The following ST7 variants were observed in gnomAD, a reference collection of about 807,000 sequenced individuals.
The protein encoded by ST7 is suppressor of tumorigenicity 7 protein.
A neutral mutation model predicts 78.7 loss-of-function variants in ST7; 28 were observed. The observed-to-expected ratio is 0.36, with a 90% confidence interval of 0.26 to 0.49. The LOEUF is 0.49. Ranked by LOEUF, ST7 falls within the 20% of genes least tolerant of loss-of-function variation. The pLI is 0.99. For missense variants in ST7, 418 were observed against 696.0 expected, an observed-to-expected ratio of 0.60 and a Z score of 4.49; for synonymous variants, 247 against 249.6, an observed-to-expected ratio of 0.99 and a Z score of 0.10.
chr7:117,097,882 A>ATATATATATATGACATATCAC (rs1801191430), intron 1 of ST7, among the ~76,000 whole-genome samples: 1 of 14,688 alleles, frequency 6.8e-5, no homozygotes, highest in African/African-American at 2.3e-4. Context: ...ACATATCACT[A>ATATATATATATGACATATCAC]TATATATATA....
At chr7:117,093,042 C>T (rs888977962) in intron 1 of ST7, among the ~76,000 whole-genome samples, 4 of 152,124 alleles carry the variant, frequency 2.6e-5, no homozygotes, top group African/African-American at 9.7e-5. Context: ...ATTGATTGTT[C>T]CCACGGTATC....
intron 9 of ST7, among the ~76,000 whole-genome samples, chr7:117,161,591 C>CTTTTTTTTTTTTTTT (rs60505994): frequency 1.8e-5 from 2 of 113,594 alleles, no homozygotes; most frequent in Admixed American, 1.1e-4. Context: ...TTCTTTCTTT[C>CTTTTTTTTTTTTTTT]TTTTTTTTTT....
chr7:117,196,914 T>C (rs891050606), intron 12 of ST7, among the ~76,000 whole-genome samples: 1 of 151,938 alleles, frequency 6.6e-6, no homozygotes, highest in Non-Finnish European at 1.5e-5. Context: ...CTTCTAGGAG[T>C]TTTGTAGTTT....
chr7:117,098,421 C>A (rs930966752), intron 1 of ST7, among the ~76,000 whole-genome samples: 1 of 152,102 alleles, frequency 6.6e-6, no homozygotes, highest in Non-Finnish European at 1.5e-5. Context: ...TGGACTTCCT[C>A]CCTGCCACCC....
At chr7:117,193,644 C>CA (rs1810007186) in intron 12 of ST7, among the ~76,000 whole-genome samples, 1 of 152,246 alleles carries the variant, frequency 6.6e-6, no homozygotes, top group African/African-American at 2.4e-5. Context: ...CAAATGCTGG[C>CA]AGGCACACTG....
intron 8 of ST7, chr7:117,136,460 A>T: frequency 4.9e-6 from 3 of 609,874 alleles, no homozygotes; most frequent in Non-Finnish European, 8.6e-6. Context: ...CTGCCCATAG[A>T]TTCCTAACCG....
intron 3 of ST7, among the ~76,000 whole-genome samples, chr7:117,122,760 A>T (rs543359188): frequency 6.6e-6 from 1 of 152,172 alleles, no homozygotes. Flanking sequence ...ACAAACATGT[A>T]TGCTAGTTTG....
At chr7:117,014,437 T>C (rs1184267098) in intron 1 of ST7, among the ~76,000 whole-genome samples, 1 of 152,218 alleles carries the variant, frequency 6.6e-6, no homozygotes, top group Non-Finnish European at 1.5e-5. Context: ...AGGTCTTAGA[T>C]ATGCTATAAA....
intron 15 of ST7, among the ~76,000 whole-genome samples, chr7:117,229,296 A>C (rs535511184): frequency 6.6e-6 from 1 of 152,354 alleles, no homozygotes; most frequent in African/African-American, 2.4e-5. Flanking sequence ...AGGACCGCAA[A>C]GAAATTCATA....
chr7:117,074,442 TC>T (rs1799199607), intron 1 of ST7, among the ~76,000 whole-genome samples: 2 of 152,054 alleles, frequency 1.3e-5, no homozygotes, highest in African/African-American at 4.8e-5. Flanking sequence ...GCGGATCTTT[TC>T]CCCCTCATAG....
chr7:117,117,504 GAGTCTTC>G (rs919701208), intron 2 of ST7, among the ~76,000 whole-genome samples: 7 of 152,280 alleles, frequency 4.6e-5, no homozygotes, highest in African/African-American at 1.7e-4. Flanking sequence ...GGGTCCTTTG[GAGTCTTC>G]TCTTCTAATA....
intron 12 of ST7, among the ~76,000 whole-genome samples, chr7:117,193,790 A>G (rs1192555870): frequency 2.0e-5 from 3 of 152,248 alleles, no homozygotes; most frequent in Non-Finnish European, 4.4e-5. Context: ...TAGTATCTAC[A>G]TGCTGTATTG....
chr7:117,060,720 G>A (rs1798303634), intron 1 of ST7, among the ~76,000 whole-genome samples: 1 of 151,604 alleles, frequency 6.6e-6, no homozygotes, highest in Non-Finnish European at 1.5e-5. Flanking sequence ...ATATAATATT[G>A]CCTGGCCAGG....
At chr7:117,097,842 A>ATG (rs1318903042) in intron 1 of ST7, among the ~76,000 whole-genome samples, 2 of 123,148 alleles carry the variant, frequency 1.6e-5, no homozygotes, top group Admixed American at 1.8e-4. Context: ...ATATATATAT[A>ATG]TGTATGACAT....
intron 1 of ST7, among the ~76,000 whole-genome samples, chr7:117,037,651 T>C (rs116390336): frequency 6.6e-6 from 1 of 152,224 alleles, no homozygotes; most frequent in East Asian, 1.9e-4. Context: ...TTCCCCAAGG[T>C]CTTTTACTGC....
At chr7:117,125,564 G>A (rs567275417) in intron 3 of ST7, among the ~76,000 whole-genome samples, 10 of 152,070 alleles carry the variant, frequency 6.6e-5, no homozygotes, top group Admixed American at 6.5e-4. Flanking sequence ...TAAGAATATG[G>A]ATATTTTTAC....
In ST7 at chr7:117,219,085, T is replaced by A. The variant is rs1025774086; in HGVS notation, c.1407T>A (p.Thr469=). The A allele has an allele frequency of 6.2e-7, 1 of 1,610,446 alleles. No homozygotes were observed. Among genetic ancestry groups the A allele is most frequent in the Admixed American group, 1.7e-5 (1 of 59,254 alleles). ...LNLLHCTWEG[T]FRMIPYPLEK... Reference sequence around the variant, plus strand: ...TGACATATTTTTTCTCGTTTTCAGCTTTTCGGATGATCCCTTATCCCTTGG... The same window carrying A: ...TGACATATTTTTTCTCGTTTTCAGCATTTCGGATGATCCCTTATCCCTTGG... The change falls in exon 14 of 16, where the codon ACT becomes ACA. Residue 469 remains threonine (T), a splice_region_variant and synonymous_variant. Transcript: ENST00000323984. The surrounding 1 kb of genome is among the most constrained non-coding windows in gnomAD (Gnocchi z 5.1).
At chr7:117,058,222 G>A (rs1449177650) in intron 1 of ST7, among the ~76,000 whole-genome samples, 3 of 152,056 alleles carry the variant, frequency 2.0e-5, no homozygotes, top group Non-Finnish European at 2.9e-5. Context: ...AATAAGATAG[G>A]GAATTCAGTA....
In ST7 at chr7:117,190,951, T is replaced by A; in HGVS notation, c.1254+15T>A. 1.3e-6 allele frequency: 2 copies of A among 1,586,832 alleles called. No homozygotes were observed. Among genetic ancestry groups the A allele is most frequent in the Middle Eastern group, 1.7e-4 (1 of 6,016 alleles). On this transcript the variant is annotated intron_variant, in intron 12 of 15. Coordinates refer to ENST00000323984, the MANE Select transcript of ST7 (RefSeq NM_001369598.1). The surrounding 1 kb of genome is among the most constrained non-coding windows in gnomAD (Gnocchi z 5.2). ...ATGTGCCAAAAGTGAGTCTGTGGAA[T>A]CCCCACAGGAACTCGTTATGATAGC...
Sources: allele counts gnomAD v4.1 joint callset (sites outside exome capture counted in the v4.1 genomes callset), GRCh38; gene constraint gnomAD v4.1.1; non-coding constraint Gnocchi (gnomAD v3.1); transcripts MANE v1.5; gene names NCBI Gene and HGNC (gene_info 2026-07-23, HGNC 2026-07-21).